The following TIAM1 variants were observed in gnomAD, a reference collection of about 807,000 sequenced individuals.
TIAM1 encodes rho guanine nucleotide exchange factor TIAM1.
In TIAM1, 65 loss-of-function variants were observed where a neutral mutation model predicts 163.5. The ratio of observed to expected loss-of-function variants is 0.40; its 90% CI spans 0.33 to 0.49. TIAM1 has a LOEUF of 0.49. TIAM1 is among the 20% of genes least tolerant of loss of function. TIAM1 has a pLI of 0.77. For synonymous variants in TIAM1, 833 were observed against 810.1 expected, an observed-to-expected ratio of 1.03 and a Z score of -0.48; for missense variants, 1,789 against 2,044.7, an observed-to-expected ratio of 0.87 and a Z score of 2.41.
At chr21:31,138,592 C>T (rs757975300) in intron 22 of TIAM1, among the ~76,000 whole-genome samples, 1 of 152,184 alleles carries the variant, frequency 6.6e-6, no homozygotes, top group South Asian at 2.1e-4. Context: ...CCTGAGTCTC[C>T]GTAATTCTTC....
intron 2 of TIAM1, among the ~76,000 whole-genome samples, chr21:31,463,520 T>A (rs2045409400): frequency 6.6e-6 from 1 of 152,002 alleles, no homozygotes; most frequent in Non-Finnish European, 1.5e-5. Context: ...ATTGTCATGT[T>A]AAAAAAGAAG....
At chr21:31,181,863 C>T (rs1424479765) in intron 15 of TIAM1, among the ~76,000 whole-genome samples, 1 of 136,738 alleles carries the variant, frequency 7.3e-6, no homozygotes, top group African/African-American at 2.7e-5. Flanking sequence ...CAGCTTACTG[C>T]AGCCTCAAAC....
At chr21:31,264,998 C>T (rs1443794621) in intron 4 of TIAM1, among the ~76,000 whole-genome samples, 1 of 152,148 alleles carries the variant, frequency 6.6e-6, no homozygotes, top group Non-Finnish European at 1.5e-5. Context: ...CAGGATTACT[C>T]CACATTTCTT....
chr21:31,345,314 AAACCC>A (rs2076127044), upstream of TIAM1, among the ~76,000 whole-genome samples: 1 of 152,130 alleles, frequency 6.6e-6, no homozygotes, highest in Non-Finnish European at 1.5e-5. Flanking sequence ...ACAAAAATAA[AAACCC>A]AACATTCATT....
Position 31,375,594 on chromosome 21 carries a change from T to C in TIAM1, c.-368-36172A>G, listed in dbSNP as rs756106913. Among the ~76,000 whole-genome samples, 44 of 152,192 alleles carry C rather than the reference T, an allele frequency of 2.9e-4. 1 individual carries two copies. The highest frequency in any genetic ancestry group is 1.3e-4 in the Non-Finnish European group (9 of 68,046). On this transcript the variant is annotated intron_variant, in intron 2 of 28. Transcript: ENST00000286827. The stretch of plus-strand genomic sequence containing the variant: ...ACACATATGAAGATGTATGTTCTTA[T>C]AAGGTATGCTCATCTTCTTATATCA...
At chr21:31,496,961 G>A (rs1350737054) in intron 1 of TIAM1, among the ~76,000 whole-genome samples, 3 of 152,128 alleles carry the variant, frequency 2.0e-5, no homozygotes, top group African/African-American at 2.4e-5. Context: ...TACATCCCTC[G>A]CATGAGCAGT....
rs970318471 is a variant in TIAM1, at chr21:31,141,775, G to A, written c.3476-271C>T. Among the ~76,000 whole-genome samples, 5 of 152,030 alleles carry A rather than the reference G, an allele frequency of 3.3e-5. No individual in the cohort carries two copies. The highest frequency in any genetic ancestry group is 2.1e-4 in the South Asian group (1 of 4,828). ...GACTGCAGACACCCGGATTTCCAGC[G>A]GCTGCTCTTTATCCTCCTCCTATTA... is the stretch of plus-strand genomic sequence containing the variant. On this transcript the variant is annotated intron_variant, in intron 20 of 27. Coordinates refer to ENST00000541036, the MANE Select transcript of TIAM1 (RefSeq NM_001353694.2). This position sits in a 1 kb window ranked among gnomAD's most constrained non-coding sequence, Gnocchi z 4.7.
rs751939021 is a variant in TIAM1 at position 31,130,276 on chromosome 21, G to A, written c.3982C>T (p.Pro1328Ser). The stretch of plus-strand genomic sequence containing the variant: ...GGGATCATGTGTCGAAATCTGAAGG[G>A]GTCCCAGTCCTCATAAATGGAAAGC... ...HRLSIYEDWDPFRFRHMIPTE... is the reference protein window; with the variant it reads ...HRLSIYEDWDSFRFRHMIPTE... Residue 1328 changes from proline (P) to serine (S), a missense_variant, in exon 25 of 28, where the codon CCC becomes TCC. By Grantham distance (74) the Pro-to-Ser change is moderately conservative. Around this residue, in one of 5 missense-constraint regions of TIAM1, gnomAD observed 415 missense variants for 439.2 expected, o/e 0.94. Coordinates refer to ENST00000541036, the MANE Select transcript of TIAM1 (RefSeq NM_001353694.2). 27 of 1,613,924 alleles carry A rather than the reference G, an allele frequency of 1.7e-5. No homozygotes were observed. The South Asian group carries it at 2.9e-4, about 17-fold the overall frequency.
At chr21:31,261,084 T>G (rs368731142) in intron 4 of TIAM1, among the ~76,000 whole-genome samples, 1 of 149,448 alleles carries the variant, frequency 6.7e-6, no homozygotes, top group Non-Finnish European at 1.5e-5. Context: ...AAGCTCCTCC[T>G]CTGACAATGC....
intron 3 of TIAM1, among the ~76,000 whole-genome samples, chr21:31,276,503 G>A (rs866340705): frequency 5.3e-5 from 8 of 152,082 alleles, no homozygotes; most frequent in African/African-American, 1.4e-4. Flanking sequence ...AATTCACAGC[G>A]GAGAAAGGAT....
intron 1 of TIAM1, among the ~76,000 whole-genome samples, chr21:31,543,184 A>G (rs2048373424): frequency 6.6e-6 from 1 of 152,126 alleles, no homozygotes; most frequent in Non-Finnish European, 1.5e-5. Context: ...ACTGCTCATC[A>G]GCAACTAAGA....
intron 12 of TIAM1, among the ~76,000 whole-genome samples, chr21:31,196,481 T>TTTTTTTTTC: frequency 6.7e-6 from 1 of 149,922 alleles, no homozygotes; most frequent in Admixed American, 6.6e-5. Flanking sequence ...CTGGCTAATT[T>TTTTTTTTTC]TTTTTTTTTT....
intron 1 of TIAM1, among the ~76,000 whole-genome samples, chr21:31,544,584 C>A (rs538445746): frequency 6.6e-6 from 1 of 151,830 alleles, no homozygotes; most frequent in Non-Finnish European, 1.5e-5. Context: ...GCTGAGATCA[C>A]GCCATTGCAC....
intron 6 of TIAM1, among the ~76,000 whole-genome samples, chr21:31,234,310 G>C (rs1197883184): frequency 2.2e-5 from 3 of 139,268 alleles, no homozygotes; most frequent in Non-Finnish European, 3.0e-5. Context: ...ACTGAAAAGA[G>C]AGCAGGAGAG....
chr21:31,475,036 T>G (rs2045889275), intron 1 of TIAM1, among the ~76,000 whole-genome samples: 1 of 64,246 alleles, frequency 1.6e-5, no homozygotes. Flanking sequence ...TTATTATTAT[T>G]ATTATTATTA....
intron 1 of TIAM1, among the ~76,000 whole-genome samples, chr21:31,529,905 C>T (rs532491678): frequency 2.6e-5 from 4 of 152,286 alleles, no homozygotes; most frequent in Non-Finnish European, 4.4e-5. Flanking sequence ...CTGTCATCTC[C>T]GCGGAAGTGT....
Position 31,395,928 on chromosome 21 carries a change from C to T in TIAM1, c.-368-56506G>A, listed in dbSNP as rs556485917. 9.9e-5 allele frequency among the ~76,000 whole-genome samples: 15 copies of T among 152,246 alleles called. 1 individual carries two copies. The South Asian group carries it at 2.9e-3, about 29-fold the overall frequency. On this transcript the variant is annotated intron_variant, in intron 2 of 28. Coordinates refer to the TIAM1 transcript ENST00000286827. The surrounding 1 kb of genome is among the most constrained non-coding windows in gnomAD (Gnocchi z 7.5). ...AATAAGGCTGTCTAGCAAATGAGGG[C>T]ATCATTCTTCCTCTAGATTTAAAAT...
At chr21:31,254,240 C>T (rs1021658393) in intron 4 of TIAM1, among the ~76,000 whole-genome samples, 1 of 152,218 alleles carries the variant, frequency 6.6e-6, no homozygotes, top group Non-Finnish European at 1.5e-5. Flanking sequence ...AGGGACTTGG[C>T]AAAGCTATCT....
chr21:31,283,213 C>G (rs934256415), intron 2 of TIAM1, among the ~76,000 whole-genome samples: 4 of 152,214 alleles, frequency 2.6e-5, no homozygotes, highest in African/African-American at 4.8e-5. Context: ...CCCCTAAGTT[C>G]TTGGTGTTTA....
Sources: gnomAD v4.1 joint callset for allele counts (sites outside exome capture counted in the v4.1 genomes callset) on GRCh38, gnomAD v4.1.1 for gene constraint, gnomAD v4.1.1 regional missense constraint, Gnocchi (gnomAD v3.1) non-coding constraint, MANE v1.5 for transcripts, NCBI Gene and HGNC (gene_info 2026-07-23, HGNC 2026-07-21) for gene names.